Variants in GPR78 observed in about 807,000 individuals in gnomAD.
The protein encoded by GPR78 is G protein-coupled receptor 78.
GPR78 carries 29 observed loss-of-function variants against 17.9 expected under a neutral mutation model. The observed-to-expected ratio is 1.62, with a 90% CI of 1.20 to 2.21. The LOEUF (loss-of-function observed/expected upper bound fraction) is 2.21. Among genes scored for constraint, GPR78 ranks in the 30% most tolerant of loss-of-function variants. The pLI is 0.00. For missense variants in GPR78, 649 were observed against 530.5 expected, an observed-to-expected ratio of 1.22 and a Z score of -2.19; for synonymous variants, 349 against 256.9, an observed-to-expected ratio of 1.36 and a Z score of -3.43.
intron 2 of GPR78, among the ~76,000 whole-genome samples, chr4:8,583,364 C>A (rs914158645): frequency 6.7e-6 from 1 of 149,900 alleles, no homozygotes; most frequent in Non-Finnish European, 1.5e-5. Context: ...CTTGCTATTA[C>A]GTTTTGCCTT....
At chr4:8,582,786 G>A (rs1713351865) in intron 2 of GPR78, 142 bp downstream of exon 2, 3 of 632,852 alleles carry the variant, frequency 4.7e-6, no homozygotes, top group Admixed American at 2.4e-5. Context: ...GACGGGCTCA[G>A]GGCTGTGCTT....
At chr4:8,585,263 T>C (rs1242995009) in intron 2 of GPR78, among the ~76,000 whole-genome samples, 1 of 152,192 alleles carries the variant, frequency 6.6e-6, no homozygotes, top group African/African-American at 2.4e-5. Context: ...TGCAGGGTCA[T>C]GGCTGGTAGT....
Position 8,587,073 on chromosome 4 carries a change from T to G in GPR78, c.802T>G (p.Phe268Val), listed in dbSNP as rs748032603. The change falls in exon 3 of 3, where the codon TTC becomes GTC. Residue 268 changes from phenylalanine to valine, a missense_variant. Transcript: ENST00000382487. ...VMTRLAELVP[F>V]VTVNAQWGIL... ...CAACAGGCTGGCGGAGCTCGTGCCC[T>G]TCGTCACCGTGAACGCCCAGTGGGG... is the stretch of plus-strand genomic sequence containing the variant. The G allele has an allele frequency of 2.5e-6, 4 of 1,612,034 alleles. No homozygotes were observed. Among genetic ancestry groups the G allele is most frequent in the Non-Finnish European group, 3.4e-6 (4 of 1,179,172 alleles).
rs145875061 is a variant in GPR78, at chr4:8,587,543, G to T, written c.*180G>T. 4 of 671,990 alleles carry T rather than the reference G, an allele frequency of 6.0e-6. No individual in the cohort carries two copies. Among genetic ancestry groups the T allele is most frequent in the Admixed American group, 2.9e-5 (1 of 34,090 alleles). The allele number at this position is 671,990 out of a possible 1,614,324, so 41.6% of individuals were successfully genotyped here. A position where few individuals can be genotyped will look rare whatever the true frequency, so the allele number is the denominator to read the frequency against. The stretch of plus-strand genomic sequence containing the variant: ...TGTGGGTGTGGACAGCAGTAGTGGC[G>T]GAGGAGAGCTCGGGGCTGGGCTGCC... On this transcript the variant is annotated 3_prime_UTR_variant, in exon 3 of 3. Coordinates refer to ENST00000382487, the MANE Select transcript of GPR78 (RefSeq NM_080819.5).
chr4:8,581,667 T>C lies in GPR78; in HGVS notation c.668+17T>C. ...GCACCCCAGGTATTGGCCCAGTGCA[T>C]GCCGACAGGCCCAGGCCAGGGACTT... On this transcript the variant is annotated intron_variant, in intron 1 of 2. Coordinates refer to ENST00000382487, the MANE Select transcript of GPR78 (RefSeq NM_080819.5). 2 of 1,437,438 alleles carry C rather than the reference T, an allele frequency of 1.4e-6. No individual in the cohort carries two copies. The highest frequency in any genetic ancestry group is 1.5e-5 in the South Asian group (1 of 66,822). 89.0% of individuals were successfully genotyped at this position (1,437,438 alleles called of 1,614,324 possible).
In GPR78 at chr4:8,585,585, G is replaced by A. The variant is rs201553567; in HGVS notation, c.783-1469G>A. ...TGTGCATGTGCTGGCCGGTGGCAAAGCCCTTTCCGGACTATCACTTACTGT... is the reference window on the plus strand; with the variant it reads ...TGTGCATGTGCTGGCCGGTGGCAAAACCCTTTCCGGACTATCACTTACTGT... On this transcript the variant is annotated intron_variant, in intron 2 of 2. Coordinates refer to ENST00000382487, the MANE Select transcript of GPR78 (RefSeq NM_080819.5). 5.9e-5 allele frequency among the ~76,000 whole-genome samples: 9 copies of A among 152,296 alleles called. No individual in the cohort carries two copies. The East Asian group carries it at 1.2e-3, about 20-fold the overall frequency.
intron 2 of GPR78, among the ~76,000 whole-genome samples, chr4:8,584,905 T>G (rs1259208069): frequency 6.6e-6 from 1 of 152,252 alleles, no homozygotes; most frequent in Non-Finnish European, 1.5e-5. Flanking sequence ...GGAATTGTTT[T>G]CAGAACTGGG....
chr4:8,580,783 A>T lies in GPR78; in HGVS notation c.-200A>T, dbSNP rs1713239251. ...GCCCCGGGCTGCTCCTGCTCCGCAG[A>T]GCTACGCCCTCCCCCCGGGTGCCCC... On this transcript the variant is annotated 5_prime_UTR_variant, in exon 1 of 3. Transcript: ENST00000382487. The T allele has an allele frequency of 1.7e-6, 1 of 597,700 alleles. No homozygotes were observed. Among genetic ancestry groups the T allele is most frequent in the Admixed American group, 3.3e-5 (1 of 30,586 alleles). 37.0% of individuals were successfully genotyped at this position (597,700 alleles called of 1,614,324 possible). A position where few individuals can be genotyped will look rare whatever the true frequency, so the allele number is the denominator to read the frequency against.
In GPR78 at chr4:8,581,093, C is replaced by G; in HGVS notation, c.111C>G (p.Arg37=). The G allele has an allele frequency of 1.2e-6, 2 of 1,606,318 alleles. No homozygotes were observed. The highest frequency in any genetic ancestry group is 1.7e-6 in the Non-Finnish European group (2 of 1,179,514). ...LLCCAYSAEL[R]TRASGVLLVN... ...GTTGCGCCTACAGCGCTGAGCTCCGCACTCGAGCCTCAGGCGTCCTCCTGG... is the reference window on the plus strand; with the variant it reads ...GTTGCGCCTACAGCGCTGAGCTCCGGACTCGAGCCTCAGGCGTCCTCCTGG... Residue 37 remains arginine (R), a synonymous_variant, in exon 1 of 3, where the codon CGC becomes CGG. Coordinates refer to ENST00000382487, the MANE Select transcript of GPR78 (RefSeq NM_080819.5).
chr4:8,582,429 C>G (rs932622654), intron 1 of GPR78, 102 bp from the exon 2 acceptor site: 2 of 740,958 alleles, frequency 2.7e-6, no homozygotes, highest in African/African-American at 1.7e-5. Context: ...TAAACATCCT[C>G]CTGAAACCCT....
chr4:8,586,721 C>T (rs1378889426), intron 2 of GPR78, among the ~76,000 whole-genome samples: 7 of 152,144 alleles, frequency 4.6e-5, no homozygotes, highest in African/African-American at 1.4e-4. Context: ...CAGGTGTCCG[C>T]GGCAGGTGTA....
At chr4:8,582,251 A>G (rs964021957) in intron 1 of GPR78, among the ~76,000 whole-genome samples, 2 of 152,176 alleles carry the variant, frequency 1.3e-5, no homozygotes, top group Admixed American at 6.5e-5. Flanking sequence ...TTGCCCCTCC[A>G]TCAGCAGCCT....
Position 8,581,626 on chromosome 4 carries a change from C to G in GPR78, c.644C>G (p.Ala215Gly). 1 of 1,495,764 alleles carries G rather than the reference C, an allele frequency of 6.7e-7. No individual in the cohort carries two copies. The highest frequency in any genetic ancestry group is 2.4e-5 in the East Asian group (1 of 41,974). 92.7% of individuals were successfully genotyped at this position (1,495,764 alleles called of 1,614,324 possible). ...RMDTVTMKAL[A>G]LLADLHPSVR... ...GACACCGTCACCATGAAGGCGCTCGCGCTGCTCGCCGACCTGCACCCCAGG... is the reference window on the plus strand; with the variant it reads ...GACACCGTCACCATGAAGGCGCTCGGGCTGCTCGCCGACCTGCACCCCAGG... The change falls in exon 1 of 3, where the codon GCG (alanine) becomes GGG (glycine). Residue 215 changes from alanine to glycine, a missense_variant. Transcript: ENST00000382487.
rs1577101071 is a variant in GPR78, at chr4:8,587,932, C to A, written c.*569C>A. Among the ~76,000 whole-genome samples the A allele has an allele frequency of 1.3e-5, 2 of 152,210 alleles. No homozygotes were observed. The highest frequency in any genetic ancestry group is 4.1e-4 in the South Asian group (2 of 4,836). On this transcript the variant is annotated 3_prime_UTR_variant, in exon 3 of 3. Transcript: ENST00000382487. Reference sequence around the variant, plus strand: ...TCAGGACCTGGCAGGCACGGGCAGTCCCTGGGACATGCCCATCTCTGGAAG... The same window carrying A: ...TCAGGACCTGGCAGGCACGGGCAGTACCTGGGACATGCCCATCTCTGGAAG...
In GPR78 at chr4:8,587,066, C is replaced by T. The variant is rs779541119; in HGVS notation, c.795C>T (p.Leu265=). The T allele has an allele frequency of 5.2e-5, 84 of 1,611,174 alleles. No individual in the cohort carries two copies. Among genetic ancestry groups the T allele is most frequent in the Non-Finnish European group, 6.7e-5 (79 of 1,178,730 alleles). ...GCTTCCCCAACAGGCTGGCGGAGCT[C>T]GTGCCCTTCGTCACCGTGAACGCCC... The part of the protein sequence containing the change: ...APYVMTRLAE[L]VPFVTVNAQW... Residue 265 remains leucine (L), a synonymous_variant, in exon 3 of 3, where the codon CTC becomes CTT. Coordinates refer to ENST00000382487, the MANE Select transcript of GPR78 (RefSeq NM_080819.5).
At position 8,582,571 on chromosome 4, in the gene GPR78, C is replaced by T. The variant is rs1713338240; in HGVS notation, c.709C>T (p.His237Tyr). Residue 237 changes from histidine (H) to tyrosine (Y), a missense_variant, in exon 2 of 3, where the codon CAC (histidine) becomes TAC (tyrosine). Transcript: ENST00000382487. Reference sequence around the variant, plus strand: ...CCTCATCCAGCAGAAGCGGCGCCGCCACCGCGCCACCAGGAAGATTGGCAT... The same window carrying T: ...CCTCATCCAGCAGAAGCGGCGCCGCTACCGCGCCACCAGGAAGATTGGCAT... ...RCLIQQKRRR[H>Y]RATRKIGIAI... 1 of 1,612,302 alleles carries T rather than the reference C, an allele frequency of 6.2e-7. No homozygotes were observed. Among genetic ancestry groups the T allele is most frequent in the Non-Finnish European group, 8.5e-7 (1 of 1,179,742 alleles).
At chr4:8,585,742 C>A (rs967664975) in intron 2 of GPR78, among the ~76,000 whole-genome samples, 3 of 152,066 alleles carry the variant, frequency 2.0e-5, no homozygotes, top group Admixed American at 6.5e-5. Flanking sequence ...TCTGTCGTCA[C>A]ATTCTGGCCC....
At chr4:8,583,031 C>T (rs965381687) in intron 2 of GPR78, 13 of 178,668 alleles carry the variant, frequency 7.3e-5, no homozygotes, top group South Asian at 1.5e-4. Flanking sequence ...GCTGGAGCCT[C>T]GGGGCAGTAA....
At chr4:8,586,905 G>T in intron 2 of GPR78, 149 bp from the exon 3 acceptor site, 1 of 676,254 alleles carries the variant, frequency 1.5e-6, no homozygotes, top group Admixed American at 2.8e-5. Context: ...GGAGCCCAAG[G>T]CTCAGGGTGC....
Sources: allele counts gnomAD v4.1 joint callset (sites outside exome capture counted in the v4.1 genomes callset), GRCh38; gene constraint gnomAD v4.1.1; transcripts MANE v1.5; gene names NCBI Gene and HGNC (gene_info 2026-07-23, HGNC 2026-07-21).